The following FSHR variants were observed in gnomAD, a reference collection of about 807,000 sequenced individuals.
FSHR encodes the protein follicle stimulating hormone receptor.
A neutral mutation model predicts 52.1 loss-of-function variants in FSHR; 46 were observed. That is an observed-to-expected ratio of 0.88 (90% confidence interval 0.70 to 1.13). FSHR has a LOEUF of 1.13. FSHR is among the 50% of genes most tolerant of loss of function. The pLI, the probability that FSHR is intolerant of heterozygous loss-of-function variation, is 0.00. For missense variants in FSHR, 964 were observed against 834.6 expected (o/e 1.16, Z -1.91); for synonymous variants, 399 against 309.6 (o/e 1.29, Z -3.03).
chr2:48,997,144 T>C, intron 4 of FSHR: 1 of 870,504 alleles, frequency 1.1e-6, no homozygotes. Flanking sequence ...CAGTGGTCTC[T>C]CTAGCTTCTG....
intron 1 of FSHR, 55 bp from the exon 2 acceptor site, chr2:49,068,345 G>T: frequency 7.2e-7 from 1 of 1,397,780 alleles, no homozygotes; most frequent in South Asian, 1.2e-5. Flanking sequence ...AAGTAATTGA[G>T]TTGCTAATGT....
Position 49,097,028 on chromosome 2 carries a change from A to G in FSHR, c.153-28738T>C, listed in dbSNP as rs540376498. 7.7e-4 allele frequency among the ~76,000 whole-genome samples: 117 copies of G among 152,344 alleles called. 4 individuals carry two copies. In the South Asian group the frequency reaches 8.5e-3, roughly 11 times the overall value. ...GTAAAGCCTGCAGAACTATGAGCCA[A>G]TTAAATCTCTTTTCTTTATAAATTA... On this transcript the variant is annotated intron_variant, in intron 1 of 9. Transcript: ENST00000406846.
intron 2 of FSHR, among the ~76,000 whole-genome samples, chr2:49,026,947 G>T (rs1667930554): frequency 1.3e-5 from 2 of 152,016 alleles, no homozygotes; most frequent in Admixed American, 1.3e-4. Context: ...AGCATCCCTT[G>T]TCTGTAACAA....
At chr2:49,053,637 T>G (rs1260292646) in intron 2 of FSHR, among the ~76,000 whole-genome samples, 1 of 152,150 alleles carries the variant, frequency 6.6e-6, no homozygotes, top group African/African-American at 2.4e-5. Flanking sequence ...AGCTAAGGCA[T>G]GAACAGTGGC....
chr2:49,111,528 T>G (rs1443157860), intron 1 of FSHR, among the ~76,000 whole-genome samples: 1 of 152,154 alleles, frequency 6.6e-6, no homozygotes, highest in Non-Finnish European at 1.5e-5. Context: ...AGTGATTTGT[T>G]CCTCTGTTCA....
At chr2:49,012,960 G>A (rs576845862) in intron 4 of FSHR, among the ~76,000 whole-genome samples, 6 of 152,154 alleles carry the variant, frequency 3.9e-5, no homozygotes, top group African/African-American at 1.4e-4. Flanking sequence ...ACTTCTGGTA[G>A]GTAATTAAGG....
chr2:49,107,443 CTGTTA>C (rs1389678939), intron 1 of FSHR, among the ~76,000 whole-genome samples: 1 of 152,126 alleles, frequency 6.6e-6, no homozygotes, highest in African/African-American at 2.4e-5. Context: ...CTGTTTCACT[CTGTTA>C]TAATTAGCCC....
Position 49,052,355 on chromosome 2 carries a change from A to G in FSHR, c.224+15864T>C, listed in dbSNP as rs1033251398. On this transcript the variant is annotated intron_variant, in intron 2 of 9. Transcript: ENST00000406846. Reference sequence around the variant, plus strand: ...ATTCTTCTTTAGCTACAACATGTAGATGATACACTTTACATACTCATGAAT... The same window carrying G: ...ATTCTTCTTTAGCTACAACATGTAGGTGATACACTTTACATACTCATGAAT... 1.6e-4 allele frequency among the ~76,000 whole-genome samples: 24 copies of G among 151,960 alleles called. No homozygotes were observed. The East Asian group carries it at 4.7e-3, about 29-fold the overall frequency.
intron 2 of FSHR, among the ~76,000 whole-genome samples, chr2:49,033,432 G>A (rs576302605): frequency 6.6e-6 from 1 of 152,338 alleles, no homozygotes; most frequent in East Asian, 1.9e-4. Flanking sequence ...CCTAAATGCT[G>A]TGCAAAAGTA....
intron 2 of FSHR, among the ~76,000 whole-genome samples, chr2:49,034,074 T>C (rs1668195083): frequency 6.6e-6 from 1 of 152,152 alleles, no homozygotes; most frequent in African/African-American, 2.4e-5. Flanking sequence ...AAGCCAGCTA[T>C]CAGGGAGCAT....
intron 1 of FSHR, among the ~76,000 whole-genome samples, chr2:49,146,016 G>A (rs1302453470): frequency 6.6e-6 from 1 of 151,898 alleles, no homozygotes; most frequent in African/African-American, 2.4e-5. Context: ...TGAGATAGAA[G>A]AGTTAATTTG....
At chr2:49,001,188 C>A (rs1666869151) in intron 4 of FSHR, among the ~76,000 whole-genome samples, 1 of 152,120 alleles carries the variant, frequency 6.6e-6, no homozygotes, top group Admixed American at 6.6e-5. Flanking sequence ...AAGCTAGACA[C>A]CATTGTAAAT....
chr2:48,989,193 C>G, intron 5 of FSHR, 139 bp from the exon 6 acceptor site: 1 of 652,876 alleles, frequency 1.5e-6, no homozygotes, highest in East Asian at 2.9e-5. Flanking sequence ...AGAAGATGAT[C>G]AGCTCAAAGT....
chr2:49,125,861 A>G (rs1341039700), intron 1 of FSHR, among the ~76,000 whole-genome samples: 2 of 152,178 alleles, frequency 1.3e-5, no homozygotes, highest in Admixed American at 1.3e-4. Flanking sequence ...TTGCTAACAG[A>G]CCTAAAGACT....
intron 1 of FSHR, among the ~76,000 whole-genome samples, chr2:49,122,433 TAC>T (rs1671851685): frequency 1.3e-5 from 2 of 152,322 alleles, no homozygotes; most frequent in South Asian, 4.1e-4. Context: ...GGGGTCTTCT[TAC>T]ACTTGTCTCT....
intron 2 of FSHR, among the ~76,000 whole-genome samples, chr2:49,046,526 C>T (rs1240796406): frequency 1.3e-5 from 2 of 152,154 alleles, no homozygotes; most frequent in Non-Finnish European, 2.9e-5. Flanking sequence ...TCAGATAAGA[C>T]AATGCATATA....
intron 2 of FSHR, among the ~76,000 whole-genome samples, chr2:49,043,151 G>A (rs999710288): frequency 2.6e-5 from 4 of 152,078 alleles, no homozygotes; most frequent in Non-Finnish European, 1.5e-5. Context: ...TCCTTTCCAA[G>A]TTTAAGGAAG....
intron 2 of FSHR, among the ~76,000 whole-genome samples, chr2:49,034,445 C>T (rs888490121): frequency 6.6e-6 from 1 of 152,200 alleles, no homozygotes; most frequent in African/African-American, 2.4e-5. Context: ...GTGGTATATG[C>T]AGGTGTCAAT....
At chr2:49,086,650 T>C (rs1024894594) in intron 1 of FSHR, among the ~76,000 whole-genome samples, 3 of 152,220 alleles carry the variant, frequency 2.0e-5, no homozygotes, top group African/African-American at 7.2e-5. Flanking sequence ...TTTTTTAATT[T>C]GTGTTTTTGA....
Sources: allele counts gnomAD v4.1 joint callset (sites outside exome capture counted in the v4.1 genomes callset), GRCh38; gene constraint gnomAD v4.1.1; transcripts MANE v1.5; gene names NCBI Gene and HGNC (gene_info 2026-07-23, HGNC 2026-07-21).